The following SLC2A13 variants were observed in gnomAD, a reference collection of about 807,000 sequenced individuals.
SLC2A13 encodes solute carrier family 2 member 13.
SLC2A13 carries 32 observed loss-of-function variants against 64.4 expected under a neutral mutation model. The observed-to-expected ratio is 0.50, with a 90% confidence interval of 0.37 to 0.67. The LOEUF is 0.67. SLC2A13 is among the 30% of genes least tolerant of loss of function. The pLI, the probability that SLC2A13 is intolerant of heterozygous loss-of-function variation, is 0.00. For synonymous variants in SLC2A13, 338 were observed against 327.1 expected, an observed-to-expected ratio of 1.03 and a Z score of -0.36; for missense variants, 743 against 829.2, an observed-to-expected ratio of 0.90 and a Z score of 1.28.
intron 3 of SLC2A13, among the ~76,000 whole-genome samples, chr12:39,958,924 C>T (rs766734816): frequency 6.6e-5 from 10 of 152,100 alleles, no homozygotes; most frequent in Admixed American, 1.3e-4. Context: ...TGGATTATGT[C>T]GGGTGTGTAG....
At position 40,006,516 on chromosome 12, in the gene SLC2A13, T is replaced by A. The variant is rs28370651; in HGVS notation, c.925+21785A>T. ...TTATGTTCATTAAATGTAAGCTTAT[T>A]AGTAAGAAAATTATGTTAAAATGAA... On this transcript the variant is annotated intron_variant, in intron 3 of 9. Coordinates refer to ENST00000280871, the MANE Select transcript of SLC2A13 (RefSeq NM_052885.4). Among the ~76,000 whole-genome samples, 13 of 152,328 alleles carry A rather than the reference T, an allele frequency of 8.5e-5. 2 individuals are homozygous for A. Among genetic ancestry groups the A allele is most frequent in the African/African-American group, 2.9e-4 (12 of 41,568 alleles).
intron 4 of SLC2A13, among the ~76,000 whole-genome samples, chr12:39,904,388 A>G (rs1224678810): frequency 6.6e-6 from 1 of 152,132 alleles, no homozygotes; most frequent in Non-Finnish European, 1.5e-5. Flanking sequence ...GAAACTGTTG[A>G]TTATTCAGTT....
chr12:40,032,396 T>A (rs1311421615), intron 2 of SLC2A13, among the ~76,000 whole-genome samples: 1 of 152,218 alleles, frequency 6.6e-6, no homozygotes, highest in East Asian at 1.9e-4. Flanking sequence ...TCTAAAGATT[T>A]AAAATTTTCT....
At chr12:39,998,245 C>T (rs1156454338) in intron 3 of SLC2A13, among the ~76,000 whole-genome samples, 3 of 152,158 alleles carry the variant, frequency 2.0e-5, no homozygotes, top group Admixed American at 2.0e-4. Flanking sequence ...CTGCAGGAGA[C>T]TGGAAACTAT....
chr12:39,943,024 G>A (rs1946065081), intron 4 of SLC2A13, among the ~76,000 whole-genome samples: 1 of 152,168 alleles, frequency 6.6e-6, no homozygotes, highest in Admixed American at 6.5e-5. Flanking sequence ...CTCTCCTGCA[G>A]ATCTGCCGGA....
chr12:40,037,538 G>A (rs566349633), intron 2 of SLC2A13, among the ~76,000 whole-genome samples: 1 of 150,546 alleles, frequency 6.6e-6, no homozygotes, highest in Non-Finnish European at 1.5e-5. Context: ...AGGATCCCTT[G>A]AGCCTAGGCG....
At chr12:39,888,521 A>G (rs752046954) in intron 4 of SLC2A13, among the ~76,000 whole-genome samples, 21 of 152,216 alleles carry the variant, frequency 1.4e-4, no homozygotes, top group Non-Finnish European at 2.8e-4. Context: ...CACTGTGTCC[A>G]GCCCATTCTA....
intron 4 of SLC2A13, among the ~76,000 whole-genome samples, chr12:39,896,345 T>TATGTATGTATATGTGTATGTATGTATAC (rs1944874105): frequency 7.3e-6 from 1 of 136,114 alleles, no homozygotes; most frequent in Admixed American, 7.3e-5. Context: ...TGTATACATA[T>TATGTATGTATATGTGTATGTATGTATAC]ATGTATGTAT....
intron 4 of SLC2A13, among the ~76,000 whole-genome samples, chr12:39,918,362 C>CT (rs5797644): frequency 0.019 from 2,798 of 147,368 alleles, 122 homozygotes; most frequent in African/African-American, 0.066. Context: ...CAGAAGTTTC[C>CT]TTTTTTTTTT....
intron 4 of SLC2A13, among the ~76,000 whole-genome samples, chr12:39,923,006 C>T (rs1040366461): frequency 2.0e-5 from 3 of 151,972 alleles, no homozygotes; most frequent in Non-Finnish European, 2.9e-5. Flanking sequence ...GCAAATACTT[C>T]TATACTAATG....
At chr12:40,065,944 T>C (rs1377795899) in intron 1 of SLC2A13, among the ~76,000 whole-genome samples, 1 of 152,180 alleles carries the variant, frequency 6.6e-6, no homozygotes, top group Non-Finnish European at 1.5e-5. Context: ...AGCCAGTAAA[T>C]GGCAAGACTG....
chr12:39,948,870 A>G (rs1946183256), intron 4 of SLC2A13, among the ~76,000 whole-genome samples: 1 of 152,190 alleles, frequency 6.6e-6, no homozygotes, highest in Non-Finnish European at 1.5e-5. Context: ...ACAAAATAAA[A>G]GGCATAATTA....
rs977354769 is a variant in SLC2A13, at chr12:39,864,374, T to C, written c.1319+388A>G. Among the ~76,000 whole-genome samples the C allele has an allele frequency of 3.3e-5, 5 of 152,246 alleles. No individual in the cohort carries two copies. In the East Asian group the frequency reaches 5.8e-4, roughly 18 times the overall value. ...AAATTGTCAGAATATTCAGAGGGCA[T>C]GTGCATCTTGTAAAAGTTTGATTAC... On this transcript the variant is annotated intron_variant, in intron 6 of 9. Transcript: ENST00000280871.
At position 39,870,813 on chromosome 12, in the gene SLC2A13, A is replaced by C. The variant is rs112630427; in HGVS notation, c.1198+985T>G. On this transcript the variant is annotated intron_variant, in intron 5 of 9. Transcript: ENST00000280871. ...AGGAGGTGAAAGCGTTCTACTCTTC[A>C]TTCTGGAATGAGGGTCAGGAGAGGG... Among the ~76,000 whole-genome samples, 1,434 of 152,238 alleles carry C rather than the reference A, an allele frequency of 9.4e-3. 16 individuals are homozygous for C. Among genetic ancestry groups the C allele is most frequent in the Non-Finnish European group, 0.015 (1,047 of 68,004 alleles).
intron 6 of SLC2A13, among the ~76,000 whole-genome samples, chr12:39,853,875 A>G (rs1943533195): frequency 6.6e-6 from 1 of 152,110 alleles, no homozygotes; most frequent in Admixed American, 6.6e-5. Flanking sequence ...GTTCAATTAA[A>G]TGGCATGTGT....
intron 7 of SLC2A13, among the ~76,000 whole-genome samples, chr12:39,790,365 C>G (rs1377242234): frequency 5.5e-5 from 6 of 108,434 alleles, no homozygotes; most frequent in African/African-American, 1.7e-4. Flanking sequence ...TGCTATCCCT[C>G]CCCCCTCCCC....
intron 3 of SLC2A13, among the ~76,000 whole-genome samples, chr12:39,972,002 A>ATT (rs1946658526): frequency 4.1e-5 from 1 of 24,554 alleles, no homozygotes; most frequent in Non-Finnish European, 1.1e-4. Flanking sequence ...AAAAAAATAT[A>ATT]TATATATATA....
At chr12:39,795,832 G>C (rs980971863) in intron 7 of SLC2A13, among the ~76,000 whole-genome samples, 1 of 152,156 alleles carries the variant, frequency 6.6e-6, no homozygotes, top group African/African-American at 2.4e-5. Context: ...AAACTTCCTT[G>C]CTGTCCTTTT....
chr12:39,826,338 G>A (rs7958983), intron 7 of SLC2A13, among the ~76,000 whole-genome samples: 107,812 of 151,538 alleles, frequency 0.71, 39,279 homozygotes, highest in African/African-American at 0.87. Flanking sequence ...TGTCTCCTGT[G>A]AACAGCATAC....
Sources: gnomAD v4.1 joint callset for allele counts (sites outside exome capture counted in the v4.1 genomes callset) on GRCh38, gnomAD v4.1.1 for gene constraint, MANE v1.5 for transcripts, NCBI Gene and HGNC (gene_info 2026-07-23, HGNC 2026-07-21) for gene names.